The following STK32B variants were observed in gnomAD, a reference collection of about 807,000 sequenced individuals.
The protein encoded by STK32B is serine/threonine kinase 32B.
Under a neutral mutation model 52.6 loss-of-function variants are expected in STK32B, and 43 were observed. That is an observed-to-expected ratio of 0.82 (90% CI 0.64 to 1.05). STK32B has a LOEUF of 1.05. STK32B is among the 50% of genes least tolerant of loss of function. The pLI is 0.00. For missense variants in STK32B, 621 were observed against 534.6 expected (o/e 1.16, Z -1.59); for synonymous variants, 238 against 204.3 (o/e 1.17, Z -1.41).
chr4:5,446,635 G>T, intron 6 of STK32B, 38 bp from the exon 7 acceptor site: 5 of 1,584,190 alleles, frequency 3.2e-6, no homozygotes, highest in Non-Finnish European at 4.3e-6. Context: ...CATAAACTGG[G>T]ATACACAATG....
intron 3 of STK32B, among the ~76,000 whole-genome samples, chr4:5,317,470 AAT>A (rs1365916412): frequency 5.0e-4 from 25 of 49,512 alleles, no homozygotes; most frequent in African/African-American, 6.6e-4. Flanking sequence ...ATATATGTAT[AAT>A]ATATATATTA....
At chr4:5,433,467 C>T (rs574346356) in intron 6 of STK32B, among the ~76,000 whole-genome samples, 1 of 152,254 alleles carries the variant, frequency 6.6e-6, no homozygotes, top group Non-Finnish European at 1.5e-5. Context: ...AAACTGGAGA[C>T]ATGGTCTTGC....
chr4:5,384,950 C>G (rs1736150380), intron 4 of STK32B, among the ~76,000 whole-genome samples: 1 of 152,108 alleles, frequency 6.6e-6, no homozygotes. Context: ...GATGCCCAGT[C>G]ACACGGTTGT....
intron 4 of STK32B, among the ~76,000 whole-genome samples, chr4:5,393,852 C>G (rs16837104): frequency 0.019 from 2,959 of 152,276 alleles, 86 homozygotes; most frequent in African/African-American, 0.065. Context: ...AAGAGGCAGA[C>G]TCAGGACTGG....
In STK32B at chr4:5,332,794, A is replaced by G. The variant is rs367954331; in HGVS notation, c.434+1401A>G. Among the ~76,000 whole-genome samples, 11 of 152,008 alleles carry G rather than the reference A, an allele frequency of 7.2e-5. No individual in the cohort carries two copies. The South Asian group carries it at 1.0e-3, about 14-fold the overall frequency. ...AGTTTACTGAGAATGATGATTTCCA[A>G]TTTCATCCGTGTCTCAAAAAGGACA... On this transcript the variant is annotated intron_variant, in intron 4 of 11. Coordinates refer to ENST00000282908, the MANE Select transcript of STK32B (RefSeq NM_018401.3).
At chr4:5,105,803 T>C (rs993396117) in intron 1 of STK32B, among the ~76,000 whole-genome samples, 1 of 151,850 alleles carries the variant, frequency 6.6e-6, no homozygotes, top group Non-Finnish European at 1.5e-5. Context: ...GACCTAGTGA[T>C]CCACCCGCCT....
intron 6 of STK32B, among the ~76,000 whole-genome samples, chr4:5,422,711 C>G (rs560603835): frequency 6.6e-6 from 1 of 152,266 alleles, no homozygotes; most frequent in South Asian, 2.1e-4. Context: ...ACTGCTCTCC[C>G]AGTCCTCACA....
intron 3 of STK32B, among the ~76,000 whole-genome samples, chr4:5,201,624 A>C (rs911022925): frequency 7.9e-4 from 121 of 152,344 alleles, no homozygotes; most frequent in Non-Finnish European, 1.5e-3. Context: ...TCATTTATAA[A>C]GGAAAGAAGT....
chr4:5,067,097 A>T (rs932204551), intron 1 of STK32B, among the ~76,000 whole-genome samples: 2 of 152,212 alleles, frequency 1.3e-5, no homozygotes, highest in African/African-American at 4.8e-5. Flanking sequence ...CGTGGCTGAG[A>T]AGGCCTCACA....
intron 1 of STK32B, among the ~76,000 whole-genome samples, chr4:5,113,025 G>A (rs1714490252): frequency 6.6e-6 from 1 of 152,130 alleles, no homozygotes; most frequent in Admixed American, 6.5e-5. Flanking sequence ...TATAGTAGAT[G>A]AGATGGAGCC....
chr4:5,319,841 C>A (rs1489502510), intron 3 of STK32B, among the ~76,000 whole-genome samples: 5 of 152,286 alleles, frequency 3.3e-5, no homozygotes, highest in Admixed American at 2.6e-4. Context: ...ACAGGGAGAA[C>A]TGACCTGCAG....
chr4:5,408,169 G>T (rs1319765033), intron 5 of STK32B, among the ~76,000 whole-genome samples: 1 of 152,096 alleles, frequency 6.6e-6, no homozygotes, highest in African/African-American at 2.4e-5. Context: ...TGAAGGGCTG[G>T]AAAGAAGCTA....
At chr4:5,248,027 C>G (rs1427068510) in intron 3 of STK32B, among the ~76,000 whole-genome samples, 1 of 152,190 alleles carries the variant, frequency 6.6e-6, no homozygotes, top group African/African-American at 2.4e-5. Context: ...TTATTTTCAA[C>G]TCTTCATTAT....
intron 7 of STK32B, among the ~76,000 whole-genome samples, chr4:5,451,801 C>T (rs1716024607): frequency 6.6e-6 from 1 of 152,178 alleles, no homozygotes; most frequent in African/African-American, 2.4e-5. Flanking sequence ...CCCTGGGGGA[C>T]AGTTGTCCCT....
intron 1 of STK32B, among the ~76,000 whole-genome samples, chr4:5,132,730 G>A (rs533002931): frequency 6.6e-6 from 1 of 152,098 alleles, no homozygotes; most frequent in East Asian, 1.9e-4. Flanking sequence ...CAAGTATATG[G>A]CCATTTGTTA....
At chr4:5,067,805 A>G (rs948473717) in intron 1 of STK32B, among the ~76,000 whole-genome samples, 6 of 152,098 alleles carry the variant, frequency 3.9e-5, no homozygotes, top group African/African-American at 1.2e-4. Flanking sequence ...GGCCTCAGGA[A>G]ACTTTCTATC....
At chr4:5,240,068 C>G (rs868024726) in intron 3 of STK32B, among the ~76,000 whole-genome samples, 1 of 144,494 alleles carries the variant, frequency 6.9e-6, no homozygotes, top group Non-Finnish European at 1.5e-5. Flanking sequence ...CTCTCTCTCT[C>G]TCTCTGTCTC....
At chr4:5,385,109 C>G (rs75517957) in intron 4 of STK32B, among the ~76,000 whole-genome samples, 3,904 of 152,082 alleles carry the variant, frequency 0.026, 173 homozygotes, top group African/African-American at 0.088. Flanking sequence ...GGCCCCAGCT[C>G]TAAAGATGGT....
intron 3 of STK32B, among the ~76,000 whole-genome samples, chr4:5,314,884 T>C (rs1288437454): frequency 1.3e-5 from 2 of 151,980 alleles, no homozygotes; most frequent in African/African-American, 4.8e-5. Context: ...AATATAACAT[T>C]GATAGAAAAA....
Sources: gnomAD v4.1 joint callset for allele counts (sites outside exome capture counted in the v4.1 genomes callset) on GRCh38, gnomAD v4.1.1 for gene constraint, MANE v1.5 for transcripts, NCBI Gene and HGNC (gene_info 2026-07-23, HGNC 2026-07-21) for gene names.